Variants in SDCCAG8 observed in about 807,000 individuals in gnomAD.
SDCCAG8 encodes the protein serologically defined colon cancer antigen 8.
In SDCCAG8, 74 loss-of-function variants were observed where a neutral mutation model predicts 101.8. The ratio of observed to expected loss-of-function variants is 0.73; its 90% CI spans 0.60 to 0.88. The LOEUF (loss-of-function observed/expected upper bound fraction) is 0.88. SDCCAG8 is among the 40% of genes least tolerant of loss of function. The pLI, the probability that SDCCAG8 is intolerant of heterozygous loss-of-function variation, is 0.00. For missense variants in SDCCAG8, 787 were observed against 822.6 expected (o/e 0.96, Z 0.53); for synonymous variants, 281 against 292.9 (o/e 0.96, Z 0.41).
intron 13 of SDCCAG8, 61 bp from the exon 14 acceptor site, chr1:243,415,641 C>T (rs2080522749): frequency 2.5e-6 from 4 of 1,610,094 alleles, no homozygotes; most frequent in South Asian, 1.1e-5. Context: ...CTATAGGGGA[C>T]ATGATGGGGG....
intron 1 of SDCCAG8, among the ~76,000 whole-genome samples, chr1:243,268,882 G>A (rs940504494): frequency 1.3e-5 from 2 of 152,114 alleles, no homozygotes; most frequent in African/African-American, 4.8e-5. Flanking sequence ...GGAGTCCTCT[G>A]GAGGACTGGG....
At position 243,489,421 on chromosome 1, in the gene SDCCAG8, G is replaced by A. The variant is rs375727036; in HGVS notation, c.2112+281G>A. The stretch of plus-strand genomic sequence containing the variant: ...CAAGTTGCGCCGTGCAGGCTGCGGA[G>A]GGTGCGAGAGCAGGGAGAAGCGGGA... On this transcript the variant is annotated intron_variant, in intron 17 of 17. Coordinates refer to ENST00000366541, the MANE Select transcript of SDCCAG8 (RefSeq NM_006642.5). Among the ~76,000 whole-genome samples the A allele has an allele frequency of 3.2e-3, 491 of 152,350 alleles. 3 individuals are homozygous for A. The highest frequency in any genetic ancestry group is 0.011 in the African/African-American group (446 of 41,596).
chr1:243,349,159 G>A (rs779061364), intron 12 of SDCCAG8, among the ~76,000 whole-genome samples: 2 of 152,134 alleles, frequency 1.3e-5, no homozygotes, highest in Non-Finnish European at 2.9e-5. Flanking sequence ...CATAACCAGG[G>A]GGATGGGCAA....
chr1:243,348,041 T>C (rs1023551205), intron 12 of SDCCAG8, among the ~76,000 whole-genome samples: 1 of 144,580 alleles, frequency 6.9e-6, no homozygotes, highest in Non-Finnish European at 1.5e-5. Flanking sequence ...TTTTTTCTTT[T>C]TTTTTTTTTT....
chr1:243,484,763 T>G (rs1025740093), intron 16 of SDCCAG8, among the ~76,000 whole-genome samples: 1 of 152,288 alleles, frequency 6.6e-6, no homozygotes, highest in Non-Finnish European at 1.5e-5. Flanking sequence ...TAAGAGGTGT[T>G]GGCCGGGCGC....
Position 243,304,720 on chromosome 1 carries a change from T to C in SDCCAG8, c.683T>C (p.Leu228Pro), listed in dbSNP as rs776422346. 1 of 1,569,116 alleles carries C rather than the reference T, an allele frequency of 6.4e-7. No individual in the cohort carries two copies. Among genetic ancestry groups the C allele is most frequent in the Admixed American group, 1.7e-5 (1 of 59,922 alleles). ...SAGEQLELEK[L>P]KLTYEEKCEI... ...TATTTTTCTTTTCTATAGGAGAAGC[T>C]AAAACTTACTTATGAGGAAAAGTGT... Residue 228 changes from leucine to proline, a missense_variant, in exon 7 of 18, where the codon CTA (leucine) becomes CCA (proline). Coordinates refer to ENST00000366541, the MANE Select transcript of SDCCAG8 (RefSeq NM_006642.5).
At chr1:243,357,169 G>A (rs1477176517) in intron 12 of SDCCAG8, among the ~76,000 whole-genome samples, 2 of 152,114 alleles carry the variant, frequency 1.3e-5, no homozygotes, top group African/African-American at 2.4e-5. Context: ...CATGAGATCT[G>A]GAGATCGAGA....
Position 243,417,991 on chromosome 1 carries a change from A to T in SDCCAG8, c.1768A>T (p.Thr590Ser). The T allele has an allele frequency of 6.2e-7, 1 of 1,612,126 alleles. No individual in the cohort carries two copies. Among genetic ancestry groups the T allele is most frequent in the Non-Finnish European group, 8.5e-7 (1 of 1,178,454 alleles). ...AGAAAATGAACAGTATTTGTTGCTG[A>T]CCTCCCAGAATACATTTTTGACAAA... ...KTENEQYLLL[T>S]SQNTFLTKLK... The change falls in exon 15 of 18, where the codon ACC (threonine) becomes TCC (serine). Residue 590 changes from threonine (T) to serine (S), a missense_variant. Thr to Ser is a moderately conservative substitution (Grantham distance 58). Transcript: ENST00000366541.
chr1:243,270,528 C>A (rs949101939), intron 2 of SDCCAG8, among the ~76,000 whole-genome samples: 2 of 152,202 alleles, frequency 1.3e-5, no homozygotes, highest in Middle Eastern at 3.2e-3. Flanking sequence ...ACTTCTCATG[C>A]TAATCATCCA....
rs1333764950 is a variant in SDCCAG8 at position 243,474,896 on chromosome 1, G to GA, written c.1986-14113dup. Reference sequence around the variant, plus strand: ...TTTATTGGCAGCATTTAGAATCGGGGAAAAATCTACCTTCTGTTTAGCAGT... The same window carrying GA: ...TTTATTGGCAGCATTTAGAATCGGGGAAAAAATCTACCTTCTGTTTAGCAGT... On this transcript the variant is annotated intron_variant, in intron 16 of 17. Transcript: ENST00000366541. The surrounding 1 kb of genome is among the most constrained non-coding windows in gnomAD (Gnocchi z 4.7). Among the ~76,000 whole-genome samples the GA allele has an allele frequency of 6.6e-6, 1 of 152,192 alleles. No homozygotes were observed. Among genetic ancestry groups the GA allele is most frequent in the Non-Finnish European group, 1.5e-5 (1 of 68,034 alleles).
At chr1:243,387,744 C>T (rs2078400054) in intron 13 of SDCCAG8, among the ~76,000 whole-genome samples, 1 of 152,172 alleles carries the variant, frequency 6.6e-6, no homozygotes, top group African/African-American at 2.4e-5. Flanking sequence ...AAGCAAGAGT[C>T]TTGCTCTGTT....
chr1:243,270,001 A>G (rs1051667740), intron 1 of SDCCAG8, 104 bp from the exon 2 acceptor site: 1 of 1,503,302 alleles, frequency 6.7e-7, no homozygotes. Flanking sequence ...TCCATAAAGT[A>G]CGAGAAATAA....
intron 16 of SDCCAG8, among the ~76,000 whole-genome samples, chr1:243,450,508 C>T (rs891154005): frequency 5.3e-5 from 8 of 152,334 alleles, no homozygotes; most frequent in Admixed American, 3.9e-4. Context: ...GAAGATAAAT[C>T]AATCACTGAC....
rs745868854 is a variant in SDCCAG8, at chr1:243,271,030, A to G, written c.273A>G (p.Val91=). Residue 91 remains valine, a synonymous_variant, in exon 3 of 18, where the codon GTA becomes GTG. Transcript: ENST00000366541. ...LRQQADKESE[V]SPSRRRKMSP... ...AACAAGCAGATAAGGAAAGTGAAGT[A>G]TCTCCGTCAAGAAGAAGAAAAATGT... The G allele has an allele frequency of 1.9e-6, 3 of 1,613,548 alleles. No individual in the cohort carries two copies. The Admixed American group carries it at 5.0e-5, about 27-fold the overall frequency.
chr1:243,275,916 T>A (rs1424665378), intron 4 of SDCCAG8, among the ~76,000 whole-genome samples: 2 of 132,312 alleles, frequency 1.5e-5, no homozygotes, highest in Non-Finnish European at 3.1e-5. Flanking sequence ...CAGACTGGAG[T>A]GCGGTGTCAC....
chr1:243,372,972 A>T (rs181087434), intron 12 of SDCCAG8, among the ~76,000 whole-genome samples: 1 of 147,658 alleles, frequency 6.8e-6, no homozygotes, highest in Non-Finnish European at 1.5e-5. Flanking sequence ...ATATCTTAAT[A>T]TATATATAAG....
At chr1:243,383,675 C>T (rs538951712) in intron 13 of SDCCAG8, among the ~76,000 whole-genome samples, 34 of 152,174 alleles carry the variant, frequency 2.2e-4, no homozygotes, top group African/African-American at 7.2e-4. Flanking sequence ...GACCATTGCC[C>T]GGTGAATATT....
At chr1:243,403,778 G>T (rs1292937317) in intron 13 of SDCCAG8, among the ~76,000 whole-genome samples, 2 of 152,166 alleles carry the variant, frequency 1.3e-5, no homozygotes, top group Non-Finnish European at 1.5e-5. Flanking sequence ...CTGTCTAGTT[G>T]CAGGAAAGCA....
At chr1:243,367,713 A>G (rs2077061389) in intron 12 of SDCCAG8, among the ~76,000 whole-genome samples, 1 of 150,022 alleles carries the variant, frequency 6.7e-6, no homozygotes, top group Non-Finnish European at 1.5e-5. Context: ...ACTTGAATAT[A>G]TTACATATAT....
Sources: allele counts gnomAD v4.1 joint callset (sites outside exome capture counted in the v4.1 genomes callset), GRCh38; gene constraint gnomAD v4.1.1; non-coding constraint Gnocchi (gnomAD v3.1); transcripts MANE v1.5; gene names NCBI Gene and HGNC (gene_info 2026-07-23, HGNC 2026-07-21).